Variants in PPP1R16A observed in about 807,000 individuals in gnomAD.
PPP1R16A encodes myosin phosphatase-targeting subunit 3.
In PPP1R16A, 39 loss-of-function variants were observed where a neutral mutation model predicts 46.6. That is an observed-to-expected ratio of 0.84 (90% CI 0.65 to 1.09). The LOEUF (loss-of-function observed/expected upper bound fraction) is 1.09, where lower values mean the gene tolerates loss of function less well. Ranked by LOEUF, PPP1R16A falls within the 50% of genes least tolerant of loss-of-function variation. The pLI is 0.00. For synonymous variants in PPP1R16A, 413 were observed against 321.5 expected (o/e 1.28, Z -3.04); for missense variants, 798 against 735.6 (o/e 1.08, Z -0.98).
chr8:144,491,773 A>T (rs2130339413), intron 2 of PPP1R16A, among the ~76,000 whole-genome samples: 1 of 150,950 alleles, frequency 6.6e-6, no homozygotes, highest in South Asian at 2.1e-4. Context: ...AAAAAAAAAA[A>T]AAAAAAAAGT....
Position 144,499,020 on chromosome 8 carries a change from C to T in PPP1R16A, c.435C>T (p.Ala145=). The change falls in exon 5 of 12, where the codon GCC becomes GCT. Residue 145 remains alanine, a synonymous_variant. Coordinates refer to ENST00000435887, the MANE Select transcript of PPP1R16A (RefSeq NM_001329443.2). ...SECWTPLHAA[A]TCGHLHLVEL... ...GCTGGACGCCTCTGCATGCTGCGGC[C>T]ACCTGCGGCCACCTGCACCTGGTGG... 1 of 1,589,712 alleles carries T rather than the reference C, an allele frequency of 6.3e-7. No homozygotes were observed. The highest frequency in any genetic ancestry group is 8.6e-7 in the Non-Finnish European group (1 of 1,164,244).
chr8:144,500,770 G>C lies in PPP1R16A; in HGVS notation c.907+9G>C, dbSNP rs527686200. The C allele has an allele frequency of 6.2e-7, 1 of 1,610,580 alleles. No individual in the cohort carries two copies. Among genetic ancestry groups the C allele is most frequent in the South Asian group, 1.1e-5 (1 of 90,716 alleles). On this transcript the variant is annotated intron_variant, in intron 9 of 11. Coordinates refer to ENST00000435887, the MANE Select transcript of PPP1R16A (RefSeq NM_001329443.2). ...GGACGAGACGCCCCTTGGTGAGCTT[G>C]CGGGGCCCACCTCCACCTGGGGGAG...
At chr8:144,478,556 A>G (rs1181242641) in intron 1 of PPP1R16A, 2 of 163,986 alleles carry the variant, frequency 1.2e-5, no homozygotes, top group African/African-American at 4.8e-5. Context: ...TCGGTCAGGT[A>G]GACAGCTCCG....
At position 144,493,363 on chromosome 8, in the gene PPP1R16A, G is replaced by A. The variant is rs921559030; in HGVS notation, c.-734-3098G>A. On this transcript the variant is annotated intron_variant, in intron 2 of 11. Transcript: ENST00000435887. This position sits in a 1 kb window ranked among gnomAD's most constrained non-coding sequence, Gnocchi z 4.3. Reference sequence around the variant, plus strand: ...GAAGGTTTGTGGAGTAGAGGGAGCCGCCCTGCCCAGCCCCCTCAGCCTGGG... The same window carrying A: ...GAAGGTTTGTGGAGTAGAGGGAGCCACCCTGCCCAGCCCCCTCAGCCTGGG... Among the ~76,000 whole-genome samples the A allele has an allele frequency of 2.6e-5, 4 of 152,150 alleles. No individual in the cohort carries two copies. Among genetic ancestry groups the A allele is most frequent in the Admixed American group, 1.3e-4 (2 of 15,282 alleles).
chr8:144,489,412 G>A (rs1481599609), intron 1 of PPP1R16A, among the ~76,000 whole-genome samples: 5 of 149,920 alleles, frequency 3.3e-5, no homozygotes, highest in Non-Finnish European at 5.9e-5. Context: ...GGGTTTGTCT[G>A]GGAGGGGGTG....
chr8:144,500,909 G>T lies in PPP1R16A; in HGVS notation c.975G>T (p.Leu325=). The stretch of plus-strand genomic sequence containing the variant: ...TGAAGCACAAGCACGACGCCCTCCT[G>T]CGCGCCCAGAGCCGCCAGCGCTCCT... ...LELKHKHDAL[L]RAQSRQRSLL... is the part of the protein sequence containing the mutation. The change falls in exon 10 of 12, where the codon CTG becomes CTT. Residue 325 remains leucine, a synonymous_variant. Coordinates refer to ENST00000435887, the MANE Select transcript of PPP1R16A (RefSeq NM_001329443.2). 6.5e-7 allele frequency: 1 copy of T among 1,535,888 alleles called. No individual in the cohort carries two copies.
At position 144,497,256 on chromosome 8, in the gene PPP1R16A, A is replaced by C; in HGVS notation, c.62A>C (p.Glu21Ala). 6.2e-7 allele frequency: 1 copy of C among 1,608,552 alleles called. No homozygotes were observed. Among genetic ancestry groups the C allele is most frequent in the African/African-American group, 1.3e-5 (1 of 74,978 alleles). Reference protein sequence around the residue: ...MPMVGRMSTQERLKHAQKRRA... With the variant: ...MPMVGRMSTQARLKHAQKRRA... Reference sequence around the variant, plus strand: ...ATGGTGGGCAGGATGAGCACACAGGAGCGGCTGAAGCATGCCCAGAAGCGG... The same window carrying C: ...ATGGTGGGCAGGATGAGCACACAGGCGCGGCTGAAGCATGCCCAGAAGCGG... Residue 21 changes from glutamate to alanine, a missense_variant, in exon 3 of 12, where the codon GAG (glutamate) becomes GCG (alanine). Coordinates refer to ENST00000435887, the MANE Select transcript of PPP1R16A (RefSeq NM_001329443.2).
chr8:144,488,564 G>T (rs1434628045), intron 1 of PPP1R16A, among the ~76,000 whole-genome samples: 1 of 152,178 alleles, frequency 6.6e-6, no homozygotes, highest in Non-Finnish European at 1.5e-5. Flanking sequence ...TGGTGATGGA[G>T]CACAGCTGGC....
At chr8:144,487,875 T>A (rs1825674470) in intron 1 of PPP1R16A, among the ~76,000 whole-genome samples, 1 of 152,358 alleles carries the variant, frequency 6.6e-6, no homozygotes. Context: ...AGTCTCACAC[T>A]GTTGGGGTTT....
rs777220340 is a variant in PPP1R16A, at chr8:144,500,532, C to T, written c.751C>T (p.Leu251=). 1.9e-6 allele frequency: 3 copies of T among 1,594,418 alleles called. No individual in the cohort carries two copies. The highest frequency in any genetic ancestry group is 2.5e-6 in the Non-Finnish European group (3 of 1,178,018). ...ANGFSEAAAL[L]LEHRASLSAK... is the part of the protein sequence containing the mutation. The stretch of plus-strand genomic sequence containing the variant: ...CGGGTTCAGCGAGGCGGCTGCCCTG[C>T]TGCTGGAACACCGAGCCAGCCTGAG... Residue 251 remains leucine (L), a synonymous_variant, in exon 8 of 12, where the codon CTG becomes TTG. Transcript: ENST00000435887.
At chr8:144,497,609 G>A (rs1179572677) in intron 3 of PPP1R16A, 156 bp downstream of exon 3, 3 of 1,090,548 alleles carry the variant, frequency 2.8e-6, no homozygotes, top group South Asian at 2.7e-5. Flanking sequence ...GGTGGCCCAG[G>A]GTGCCCCCAT....
At chr8:144,500,227 G>A in intron 6 of PPP1R16A, 28 bp downstream of exon 6, 2 of 1,587,464 alleles carry the variant, frequency 1.3e-6, no homozygotes, top group East Asian at 4.7e-5. Flanking sequence ...GCTGTGGGAG[G>A]GCTGCCGGTC....
In PPP1R16A at chr8:144,501,885, G is replaced by C. The variant is rs375214280; in HGVS notation, c.1569G>C (p.Pro523=). ...PAVEAPVERR[P]CCLLM The stretch of plus-strand genomic sequence containing the variant: ...TGGAGGCTCCCGTGGAGAGGAGGCC[G>C]TGCTGCCTGCTCATGTGAGGCTGTT... Residue 523 remains proline, a synonymous_variant, in exon 12 of 12, where the codon CCG becomes CCC. Coordinates refer to ENST00000435887, the MANE Select transcript of PPP1R16A (RefSeq NM_001329443.2). 6.5e-7 allele frequency: 1 copy of C among 1,533,026 alleles called. No individual in the cohort carries two copies. The highest frequency in any genetic ancestry group is 2.4e-5 in the East Asian group (1 of 40,906). 95.0% of individuals were successfully genotyped at this position (1,533,026 alleles called of 1,614,324 possible). A position where few individuals can be genotyped will look rare whatever the true frequency, so the allele number is the denominator to read the frequency against.
chr8:144,493,064 G>C lies in PPP1R16A; in HGVS notation c.-735+2852G>C, dbSNP rs1036500835. Among the ~76,000 whole-genome samples the C allele has an allele frequency of 2.6e-5, 4 of 152,110 alleles. No homozygotes were observed. Among genetic ancestry groups the C allele is most frequent in the African/African-American group, 9.7e-5 (4 of 41,432 alleles). On this transcript the variant is annotated intron_variant, in intron 2 of 11. Coordinates refer to ENST00000435887, the MANE Select transcript of PPP1R16A (RefSeq NM_001329443.2). This position sits in a 1 kb window ranked among gnomAD's most constrained non-coding sequence, Gnocchi z 4.3. ...GAGTAGAGAGGGCACTGAGGCTCTC[G>C]GGCCTGGAGCTGTCCTCACGGGGGC...
intron 1 of PPP1R16A, among the ~76,000 whole-genome samples, chr8:144,480,065 G>A (rs575004529): frequency 6.6e-5 from 10 of 152,370 alleles, no homozygotes; most frequent in African/African-American, 1.7e-4. Context: ...GATGAGATAA[G>A]AGAATGACAA....
Position 144,500,841 on chromosome 8 carries a change from G to A in PPP1R16A, c.908-1G>A, listed in dbSNP as rs1156563839. On this transcript the variant is annotated splice_acceptor_variant, in intron 9 of 11. Transcript: ENST00000435887. LOFTEE classifies it high-confidence loss of function. Reference sequence around the variant, plus strand: ...CCCTGACGCCTGCGCCCACTTCTCAGATGTGTGCGGGGACGAGGAGGTGCG... The same window carrying A: ...CCCTGACGCCTGCGCCCACTTCTCAAATGTGTGCGGGGACGAGGAGGTGCG... 2.5e-6 allele frequency: 4 copies of A among 1,583,376 alleles called. No individual in the cohort carries two copies. The South Asian group carries it at 3.4e-5, about 14-fold the overall frequency.
intron 8 of PPP1R16A, 21 bp from the exon 9 acceptor site, chr8:144,500,665 G>C: frequency 6.2e-7 from 1 of 1,607,730 alleles, no homozygotes; most frequent in Non-Finnish European, 8.5e-7. Flanking sequence ...GCAGTCTGCA[G>C]CTCCGGCCTG....
chr8:144,481,740 G>A (rs1272388784), intron 1 of PPP1R16A, among the ~76,000 whole-genome samples: 2 of 152,204 alleles, frequency 1.3e-5, no homozygotes, highest in South Asian at 2.1e-4. Flanking sequence ...AGAGATTCAA[G>A]TGGTTTTGTG....
At chr8:144,484,286 T>C (rs1361102385) in intron 1 of PPP1R16A, among the ~76,000 whole-genome samples, 1 of 152,238 alleles carries the variant, frequency 6.6e-6, no homozygotes, top group African/African-American at 2.4e-5. Flanking sequence ...CTCACTTTTG[T>C]GATTTTGGTT....
Sources: gnomAD v4.1 joint callset for allele counts (sites outside exome capture counted in the v4.1 genomes callset) on GRCh38, gnomAD v4.1.1 for gene constraint, Gnocchi (gnomAD v3.1) non-coding constraint, MANE v1.5 for transcripts, NCBI Gene and HGNC (gene_info 2026-07-23, HGNC 2026-07-21) for gene names.